Variants in KCNK5 observed in about 807,000 individuals in gnomAD.
KCNK5 encodes potassium channel subfamily K member 5.
Under a neutral mutation model 32.9 loss-of-function variants are expected in KCNK5, and 18 were observed. The observed-to-expected ratio is 0.55, with a 90% CI of 0.38 to 0.81. The LOEUF is 0.81. Among genes scored for constraint, KCNK5 ranks in the 30% least tolerant of loss-of-function variants. The pLI is 0.00. For missense variants in KCNK5, 507 were observed against 651.0 expected (o/e 0.78, Z 2.41); for synonymous variants, 276 against 275.3 (o/e 1.00, Z -0.03).
chr6:39,210,350 G>T (rs1420800932), intron 1 of KCNK5, among the ~76,000 whole-genome samples: 1 of 152,190 alleles, frequency 6.6e-6, no homozygotes, highest in East Asian at 1.9e-4. Flanking sequence ...CCCAGGAAGA[G>T]TAGGGGAACA....
At chr6:39,222,065 T>A (rs1771561605) in intron 1 of KCNK5, among the ~76,000 whole-genome samples, 1 of 152,192 alleles carries the variant, frequency 6.6e-6, no homozygotes, top group African/African-American at 2.4e-5. Flanking sequence ...GAGATTGGGA[T>A]AACTGCTCAC....
chr6:39,218,034 C>A (rs1771471475), intron 1 of KCNK5, among the ~76,000 whole-genome samples: 1 of 151,102 alleles, frequency 6.6e-6, no homozygotes. Context: ...AGTCTGCACC[C>A]CAAAATACCA....
intron 1 of KCNK5, among the ~76,000 whole-genome samples, chr6:39,224,207 A>C (rs2113799694): frequency 6.6e-6 from 1 of 151,922 alleles, no homozygotes; most frequent in East Asian, 1.9e-4. Flanking sequence ...CCACTTCTGC[A>C]GTCCTAGCCA....
intron 1 of KCNK5, among the ~76,000 whole-genome samples, chr6:39,210,195 G>C (rs873690): frequency 0.047 from 7,185 of 152,256 alleles, 246 homozygotes; most frequent in Admixed American, 0.081. Context: ...GACTTGCCCA[G>C]GGAGGTCCGT....
rs747825371 is a variant in KCNK5, at chr6:39,194,229, C to T, written c.574G>A (p.Glu192Lys). ...FMVTEGWNYI[E>K]GLYYSFITIS... ...GTGATGAAGGAGTAGTAGAGGCCCT[C>T]GATGTAGTTCCACCCCTCAGTCACC... Residue 192 changes from glutamate to lysine, a missense_variant, in exon 4 of 5, where the codon GAG (glutamate) becomes AAG (lysine). By Grantham distance (56) the Glu-to-Lys change is moderately conservative (BLOSUM62 1). Around this residue, in one of 6 missense-constraint regions of KCNK5, gnomAD observed 45 missense variants for 107.6 expected, o/e 0.42. Coordinates refer to ENST00000359534, the MANE Select transcript of KCNK5 (RefSeq NM_003740.4). This position sits in a 1 kb window ranked among gnomAD's most constrained non-coding sequence, Gnocchi z 4.7. The T allele has an allele frequency of 8.1e-6, 13 of 1,614,000 alleles. No homozygotes were observed. Among genetic ancestry groups the T allele is most frequent in the African/African-American group, 1.3e-5 (1 of 74,890 alleles).
chr6:39,194,802 C>G lies in KCNK5; in HGVS notation c.299-42G>C, dbSNP rs1182461979. The G allele has an allele frequency of 1.3e-6, 2 of 1,588,812 alleles. No homozygotes were observed. The highest frequency in any genetic ancestry group is 1.7e-6 in the Non-Finnish European group (2 of 1,159,394). On this transcript the variant is annotated intron_variant, in intron 2 of 4. Coordinates refer to ENST00000359534, the MANE Select transcript of KCNK5 (RefSeq NM_003740.4). This position sits in a 1 kb window ranked among gnomAD's most constrained non-coding sequence, Gnocchi z 4.7. ...TGAGGCCAAGAACAGGAGGGGTGGT[C>G]AAACCAGTGGGCCTTGCTTCCAACA...
chr6:39,191,952 C>T lies in KCNK5; in HGVS notation c.635-197G>A, dbSNP rs1398721607. Among the ~76,000 whole-genome samples, 2 of 152,074 alleles carry T rather than the reference C, an allele frequency of 1.3e-5. No homozygotes were observed. The highest frequency in any genetic ancestry group is 2.9e-5 in the Non-Finnish European group (2 of 68,014). On this transcript the variant is annotated intron_variant, in intron 4 of 4. Coordinates refer to ENST00000359534, the MANE Select transcript of KCNK5 (RefSeq NM_003740.4). This position sits in a 1 kb window ranked among gnomAD's most constrained non-coding sequence, Gnocchi z 5.8. ...CTTGGGCCTGCCATCATTCATGACC[C>T]CATCCCAGTCTCCAGCCTGTCTCTG...
At chr6:39,198,991 A>G (rs986556993) in intron 1 of KCNK5, among the ~76,000 whole-genome samples, 3 of 152,158 alleles carry the variant, frequency 2.0e-5, no homozygotes, top group Non-Finnish European at 4.4e-5. Flanking sequence ...AAGTGTCTGG[A>G]AATGCTTTCT....
intron 1 of KCNK5, among the ~76,000 whole-genome samples, chr6:39,221,720 G>A (rs1771555376): frequency 6.6e-6 from 1 of 152,198 alleles, no homozygotes; most frequent in African/African-American, 2.4e-5. Flanking sequence ...GGGGCCCCCT[G>A]AGGGCAGGGG....
At position 39,191,194 on chromosome 6, in the gene KCNK5, C is replaced by A; in HGVS notation, c.1196G>T (p.Ser399Ile). 1 of 1,614,222 alleles carries A rather than the reference C, an allele frequency of 6.2e-7. No homozygotes were observed. Residue 399 changes from serine (S) to isoleucine (I), a missense_variant, in exon 5 of 5, where the codon AGC becomes ATC. By Grantham distance (142) the Ser-to-Ile change is moderately radical (BLOSUM62 -2). Around this residue, in one of 6 missense-constraint regions of KCNK5, gnomAD observed 252 missense variants for 250.8 expected, o/e 1.00. Transcript: ENST00000359534. The surrounding 1 kb of genome is among the most constrained non-coding windows in gnomAD (Gnocchi z 5.8). ...GGCGTCCCATGGCTCGCATTCCTCGCTGATGCGGTCCAGCTGGTTCATGAA... is the reference window on the plus strand; with the variant it reads ...GGCGTCCCATGGCTCGCATTCCTCGATGATGCGGTCCAGCTGGTTCATGAA... The part of the protein sequence containing the change: ...EVFMNQLDRI[S>I]EECEPWDAQD...
chr6:39,197,762 GAT>G (rs1487001547), intron 1 of KCNK5, among the ~76,000 whole-genome samples: 1 of 152,212 alleles, frequency 6.6e-6, no homozygotes, highest in East Asian at 1.9e-4. Context: ...TGCTACCTCA[GAT>G]ATCGATCTTG....
chr6:39,203,179 T>C (rs983829846), intron 1 of KCNK5, among the ~76,000 whole-genome samples: 7 of 152,034 alleles, frequency 4.6e-5, no homozygotes, highest in Non-Finnish European at 8.8e-5. Flanking sequence ...CAGGAAAGGG[T>C]GAGAACACTG....
intron 1 of KCNK5, among the ~76,000 whole-genome samples, chr6:39,205,628 G>A (rs1771209980): frequency 6.6e-6 from 1 of 152,146 alleles, no homozygotes; most frequent in Non-Finnish European, 1.5e-5. Flanking sequence ...AGGGGTGTCT[G>A]ACACCTCTCT....
chr6:39,222,739 G>A (rs540340346), intron 1 of KCNK5, among the ~76,000 whole-genome samples: 1 of 152,264 alleles, frequency 6.6e-6, no homozygotes, highest in Middle Eastern at 3.4e-3. Flanking sequence ...ATTTTTAATT[G>A]AGGAAACTCC....
At position 39,191,554 on chromosome 6, in the gene KCNK5, A is replaced by ACCT; in HGVS notation, c.833_835dup (p.Gln278_Val279insGlu). 1 of 1,613,684 alleles carries ACCT rather than the reference A, an allele frequency of 6.2e-7. No individual in the cohort carries two copies. Among genetic ancestry groups the ACCT allele is most frequent in the East Asian group, 2.2e-5 (1 of 44,832 alleles). On this transcript the variant is annotated inframe_insertion, in exon 5 of 5. Coordinates refer to ENST00000359534, the MANE Select transcript of KCNK5 (RefSeq NM_003740.4). The surrounding 1 kb of genome is among the most constrained non-coding windows in gnomAD (Gnocchi z 5.8). ...GTCCTTGGAGGCTGTGCTCCCCTTCACCTGCAGGGCCTTCCGGGAGTGTGG... is the reference window on the plus strand; with the variant it reads ...GTCCTTGGAGGCTGTGCTCCCCTTCACCTCCTGCAGGGCCTTCCGGGAGTGTGG...
chr6:39,229,147 C>A lies in KCNK5; in HGVS notation c.-36G>T. On this transcript the variant is annotated 5_prime_UTR_variant, in exon 1 of 5. Transcript: ENST00000359534. The stretch of plus-strand genomic sequence containing the variant: ...CGGCCGCCTCCTAGAGAAAGCCTCT[C>A]CTAGCCCCAGCTGCTACCAGTCCGC... 6.2e-7 allele frequency: 1 copy of A among 1,607,744 alleles called. No homozygotes were observed. Among genetic ancestry groups the A allele is most frequent in the South Asian group, 1.1e-5 (1 of 90,816 alleles).
chr6:39,201,406 C>G (rs1771131778), intron 1 of KCNK5, among the ~76,000 whole-genome samples: 1 of 152,078 alleles, frequency 6.6e-6, no homozygotes. Flanking sequence ...CAGGTGCCAC[C>G]ATGCCCAGCT....
intron 4 of KCNK5, among the ~76,000 whole-genome samples, chr6:39,192,577 G>A (rs1188087104): frequency 6.6e-6 from 1 of 152,162 alleles, no homozygotes; most frequent in Non-Finnish European, 1.5e-5. Flanking sequence ...GATGACCCAG[G>A]AAGCACCCAC....
At chr6:39,217,516 C>T (rs935091558) in intron 1 of KCNK5, among the ~76,000 whole-genome samples, 1 of 152,194 alleles carries the variant, frequency 6.6e-6, no homozygotes, top group African/African-American at 2.4e-5. Flanking sequence ...TCCCTAATTG[C>T]CCCCACTTAG....
Sources: gnomAD v4.1 joint callset for allele counts (sites outside exome capture counted in the v4.1 genomes callset) on GRCh38, gnomAD v4.1.1 for gene constraint, gnomAD v4.1.1 regional missense constraint, Gnocchi (gnomAD v3.1) non-coding constraint, MANE v1.5 for transcripts, NCBI Gene and HGNC (gene_info 2026-07-23, HGNC 2026-07-21) for gene names.